CACNA2D3: variants seen among roughly 807,000 people sequenced by gnomAD.
The protein encoded by CACNA2D3 is calcium voltage-gated channel auxiliary subunit alpha2delta 3.
CACNA2D3 carries 60 observed loss-of-function variants against 160.6 expected under a neutral mutation model. The ratio of observed to expected loss-of-function variants is 0.37; its 90% CI spans 0.30 to 0.46. The LOEUF is 0.46. Among genes scored for constraint, CACNA2D3 ranks in the 20% least tolerant of loss-of-function variants. The pLI is 1.00. For synonymous variants in CACNA2D3, 558 were observed against 492.9 expected (o/e 1.13, Z -1.75); for missense variants, 1,205 against 1,365.0 (o/e 0.88, Z 1.85).
intron 13 of CACNA2D3, among the ~76,000 whole-genome samples, chr3:54,791,230 A>G (rs1485285068): frequency 6.6e-6 from 1 of 152,208 alleles, no homozygotes; most frequent in Non-Finnish European, 1.5e-5. Flanking sequence ...ATATGACATT[A>G]TATGAGGACT....
Position 54,542,847 on chromosome 3 carries a change from A to G in CACNA2D3, c.545-19953A>G, listed in dbSNP as rs187803255. On this transcript the variant is annotated intron_variant, in intron 5 of 37. Transcript: ENST00000474759. ...TGCATCCTTCAGTCCAATCAAGTTG[A>G]CACTCAATATTAAGGAACACAAAAT... 2.0e-5 allele frequency among the ~76,000 whole-genome samples: 3 copies of G among 152,330 alleles called. No homozygotes were observed. The East Asian group carries it at 5.8e-4, about 29-fold the overall frequency.
chr3:54,979,141 TCTC>T (rs965568089), intron 29 of CACNA2D3, among the ~76,000 whole-genome samples: 1 of 152,208 alleles, frequency 6.6e-6, no homozygotes, highest in South Asian at 2.1e-4. Context: ...AGTAAATTCT[TCTC>T]CTCTTGAGGT....
chr3:54,866,117 C>T (rs1433347307), intron 17 of CACNA2D3, among the ~76,000 whole-genome samples: 1 of 152,292 alleles, frequency 6.6e-6, no homozygotes, highest in East Asian at 1.9e-4. Flanking sequence ...TCCCTGGGTG[C>T]TTTTCCATGC....
intron 13 of CACNA2D3, among the ~76,000 whole-genome samples, chr3:54,816,303 C>G (rs1575492236): frequency 1.3e-5 from 2 of 152,192 alleles, no homozygotes; most frequent in East Asian, 3.8e-4. Context: ...AGCAGGGTTT[C>G]TCAACTTTGG....
At chr3:54,342,493 A>T (rs1698375647) in intron 3 of CACNA2D3, among the ~76,000 whole-genome samples, 1 of 152,070 alleles carries the variant, frequency 6.6e-6, no homozygotes, top group African/African-American at 2.4e-5. Flanking sequence ...TGGGAAGGAT[A>T]CGGTGGGGTG....
chr3:54,833,496 G>T (rs1336831298), intron 14 of CACNA2D3, among the ~76,000 whole-genome samples: 1 of 151,996 alleles, frequency 6.6e-6, no homozygotes, highest in East Asian at 1.9e-4. Flanking sequence ...CAGGTTGGGG[G>T]GCCACAGAAA....
At chr3:54,254,370 G>A (rs9828312) in intron 2 of CACNA2D3, among the ~76,000 whole-genome samples, 37,669 of 152,090 alleles carry the variant, frequency 0.25, 4,961 homozygotes, top group African/African-American at 0.33. Context: ...CTAGGGACCA[G>A]TGAGAACTCA....
At chr3:54,620,000 G>A (rs1698947460) in intron 9 of CACNA2D3, among the ~76,000 whole-genome samples, 1 of 152,212 alleles carries the variant, frequency 6.6e-6, no homozygotes, top group Non-Finnish European at 1.5e-5. Flanking sequence ...ATCTTGTGGT[G>A]TAATATCCAA....
At chr3:54,646,197 T>TG (rs1575403710) in intron 11 of CACNA2D3, among the ~76,000 whole-genome samples, 1 of 9,396 alleles carries the variant, frequency 1.1e-4, no homozygotes, top group African/African-American at 3.5e-4. Flanking sequence ...CTTCCTTGCT[T>TG]CCTTCCTTCC....
intron 4 of CACNA2D3, among the ~76,000 whole-genome samples, chr3:54,469,475 A>G: frequency 6.6e-6 from 1 of 152,158 alleles, no homozygotes; most frequent in East Asian, 1.9e-4. Flanking sequence ...ATGAGGAAAA[A>G]CCAGTGCAAA....
chr3:54,729,169 C>T (rs1701335558), intron 11 of CACNA2D3, among the ~76,000 whole-genome samples: 1 of 152,134 alleles, frequency 6.6e-6, no homozygotes, highest in South Asian at 2.1e-4. Context: ...GATCCACCCG[C>T]CTCGGCCTCC....
chr3:54,160,833 T>C (rs562250795), intron 2 of CACNA2D3, among the ~76,000 whole-genome samples: 1 of 152,360 alleles, frequency 6.6e-6, no homozygotes. Flanking sequence ...GTGTATTTTA[T>C]GAGTTTTATG....
chr3:54,758,416 T>C (rs1336688378), intron 12 of CACNA2D3, among the ~76,000 whole-genome samples: 1 of 152,112 alleles, frequency 6.6e-6, no homozygotes, highest in African/African-American at 2.4e-5. Flanking sequence ...ACCATTGGGC[T>C]CCCTGCCCTC....
intron 2 of CACNA2D3, among the ~76,000 whole-genome samples, chr3:54,149,523 G>A (rs9311525): frequency 0.47 from 71,790 of 151,856 alleles, 17,299 homozygotes; most frequent in African/African-American, 0.57. Flanking sequence ...GATGAGGAAG[G>A]GTGTGGGTTC....
chr3:55,069,866 A>G (rs1052094346), intron 35 of CACNA2D3, among the ~76,000 whole-genome samples: 2 of 152,252 alleles, frequency 1.3e-5, no homozygotes, highest in Non-Finnish European at 2.9e-5. Flanking sequence ...GGTCACCAAA[A>G]AATGTTGAAA....
chr3:55,018,975 G>A (rs1056139485), intron 35 of CACNA2D3, among the ~76,000 whole-genome samples: 6 of 147,478 alleles, frequency 4.1e-5, no homozygotes, highest in African/African-American at 1.5e-4. Flanking sequence ...AAGAGATGGG[G>A]TCTTACTGTG....
chr3:54,689,338 A>G (rs1052216194), intron 11 of CACNA2D3, among the ~76,000 whole-genome samples: 8 of 151,928 alleles, frequency 5.3e-5, no homozygotes, highest in African/African-American at 1.7e-4. Flanking sequence ...TTTCTCCTCT[A>G]TCCACATTTA....
intron 4 of CACNA2D3, among the ~76,000 whole-genome samples, chr3:54,462,676 T>G (rs996392994): frequency 1.3e-5 from 2 of 152,178 alleles, no homozygotes; most frequent in Admixed American, 6.5e-5. Flanking sequence ...TGTCTCTGCA[T>G]GTGAGATGGG....
intron 27 of CACNA2D3, chr3:54,918,794 G>A: frequency 6.2e-7 from 1 of 1,614,006 alleles, no homozygotes; most frequent in Non-Finnish European, 8.5e-7. Context: ...TCAGGAGCAG[G>A]AAGAGGGCAG....
Sources: gnomAD v4.1 joint callset for allele counts (sites outside exome capture counted in the v4.1 genomes callset) on GRCh38, gnomAD v4.1.1 for gene constraint, MANE v1.5 for transcripts, NCBI Gene and HGNC (gene_info 2026-07-23, HGNC 2026-07-21) for gene names.